MEGF10: variants seen among roughly 807,000 people sequenced by gnomAD.
MEGF10 encodes multiple EGF like domains 10.
MEGF10 carries 86 observed loss-of-function variants against 147.5 expected under a neutral mutation model. That is an observed-to-expected ratio of 0.58 (90% CI 0.49 to 0.70). The LOEUF is 0.70. Among genes scored for constraint, MEGF10 ranks in the 30% least tolerant of loss-of-function variants. The pLI, the probability that MEGF10 is intolerant of heterozygous loss-of-function variation, is 0.00. For synonymous variants in MEGF10, 478 were observed against 525.5 expected, an observed-to-expected ratio of 0.91 and a Z score of 1.24; for missense variants, 1,329 against 1,487.3, an observed-to-expected ratio of 0.89 and a Z score of 1.75.
intron 1 of MEGF10, among the ~76,000 whole-genome samples, chr5:127,298,990 A>G (rs1407398696): frequency 1.3e-5 from 2 of 152,234 alleles, no homozygotes; most frequent in African/African-American, 4.8e-5. Flanking sequence ...GAAGGAAAAA[A>G]GTAATTCCAA....
chr5:127,288,968 G>A (rs374334496), upstream of MEGF10, among the ~76,000 whole-genome samples: 13 of 152,294 alleles, frequency 8.5e-5, 1 homozygote, highest in Admixed American at 4.6e-4. Flanking sequence ...AAGGAAGTCA[G>A]ACACAAAGGA....
chr5:127,325,547 G>A (rs1050241963), intron 1 of MEGF10, among the ~76,000 whole-genome samples: 9 of 152,034 alleles, frequency 5.9e-5, no homozygotes, highest in Admixed American at 6.6e-5. Context: ...GTAGGGCCAC[G>A]TCTCTGTTCC....
At chr5:127,366,967 T>G (rs1762679769) in intron 4 of MEGF10, among the ~76,000 whole-genome samples, 1 of 152,204 alleles carries the variant, frequency 6.6e-6, no homozygotes, top group Admixed American at 6.5e-5. Flanking sequence ...GAACATATGC[T>G]TAACTTGTCA....
At chr5:127,297,882 G>A (rs1373890321) in intron 1 of MEGF10, among the ~76,000 whole-genome samples, 1 of 152,156 alleles carries the variant, frequency 6.6e-6, no homozygotes. Context: ...TGAGAAAACT[G>A]TTCTTCCTTT....
intron 5 of MEGF10, among the ~76,000 whole-genome samples, chr5:127,373,092 A>G (rs990544040): frequency 5.9e-5 from 9 of 152,222 alleles, no homozygotes; most frequent in African/African-American, 2.2e-4. Flanking sequence ...TTTGGGTTAT[A>G]AAACAGTATT....
the MEGF10 span, among the ~76,000 whole-genome samples, chr5:127,247,673 G>A: frequency 1.3e-5 from 2 of 152,176 alleles, no homozygotes; most frequent in East Asian, 3.9e-4. Flanking sequence ...TAGGATTAGA[G>A]TCTTAGAGAG....
At chr5:127,320,183 G>A (rs77570362) in intron 1 of MEGF10, among the ~76,000 whole-genome samples, 2,756 of 152,272 alleles carry the variant, frequency 0.018, 75 homozygotes, top group East Asian at 0.11. Flanking sequence ...ATAAAACAGA[G>A]AGGGAGCCAG....
chr5:127,258,355 G>A, the MEGF10 span, among the ~76,000 whole-genome samples: 45 of 152,252 alleles, frequency 3.0e-4, no homozygotes, highest in Admixed American at 6.5e-4. Flanking sequence ...GTGGATTCAA[G>A]CACTGTACCT....
intron 4 of MEGF10, among the ~76,000 whole-genome samples, chr5:127,368,120 C>T (rs17684655): frequency 0.016 from 2,438 of 152,290 alleles, 45 homozygotes; most frequent in South Asian, 0.076. Context: ...TGGAAGCAGA[C>T]ACTGAACCCT....
chr5:127,403,392 C>T (rs1017720266), intron 8 of MEGF10, among the ~76,000 whole-genome samples: 1 of 152,076 alleles, frequency 6.6e-6, no homozygotes, highest in Non-Finnish European at 1.5e-5. Flanking sequence ...GCACATTATG[C>T]GGAATGGGGT....
At chr5:127,377,659 G>A (rs138673261) in intron 5 of MEGF10, among the ~76,000 whole-genome samples, 9 of 152,156 alleles carry the variant, frequency 5.9e-5, no homozygotes, top group African/African-American at 1.9e-4. Flanking sequence ...TTCGAATGGG[G>A]GGAATCCATT....
chr5:127,257,292 T>C, the MEGF10 span, among the ~76,000 whole-genome samples: 27 of 145,592 alleles, frequency 1.9e-4, no homozygotes, highest in African/African-American at 7.0e-4. Flanking sequence ...TTAAGACAAT[T>C]GCATTTCTTT....
chr5:127,269,200 C>A, the MEGF10 span, among the ~76,000 whole-genome samples: 1 of 152,232 alleles, frequency 6.6e-6, no homozygotes, highest in South Asian at 2.1e-4. Flanking sequence ...TCCAAAGGAA[C>A]GCAGCTCCTC....
Position 127,417,675 on chromosome 5 carries a change from G to A in MEGF10, c.1168G>A (p.Gly390Ser). The change falls in exon 10 of 25, where the codon GGC (glycine) becomes AGC (serine). Residue 390 changes from glycine to serine, a missense_variant. Gly to Ser is a moderately conservative substitution (Grantham distance 56). This residue lies in a region of MEGF10 where 980 missense variants were observed against 1,085.9 expected (regional missense o/e 0.90). Coordinates refer to ENST00000503335, the MANE Select transcript of MEGF10 (RefSeq NM_001256545.2). ...PMSGECACKP[G>S]WSGLYCNETC... The stretch of plus-strand genomic sequence containing the variant: ...GTCTGGAGAGTGTGCCTGCAAGCCG[G>A]GCTGGTCAGGACTCTACTGTAATGA... 6.2e-7 allele frequency: 1 copy of A among 1,614,120 alleles called. No homozygotes were observed. Among genetic ancestry groups the A allele is most frequent in the Non-Finnish European group, 8.5e-7 (1 of 1,180,032 alleles).
rs1189933388 is a variant in MEGF10, at chr5:127,325,887, GTATATA to G, written c.-18-5386_-18-5381del. On this transcript the variant is annotated intron_variant, in intron 1 of 24. Coordinates refer to ENST00000503335, the MANE Select transcript of MEGF10 (RefSeq NM_001256545.2). ...TATATATACATATATGTGTGTGTGT[GTATATA>G]TATATATATATATATATTTTTTTTT... 3.0e-4 allele frequency among the ~76,000 whole-genome samples: 15 copies of G among 49,458 alleles called. 1 individual carries two copies. The highest frequency in any genetic ancestry group is 3.4e-4 in the African/African-American group (4 of 11,882). 32.4% of individuals were successfully genotyped at this position (49,458 alleles called of 152,430 possible).
At chr5:127,438,135 G>T (rs1258251076) in intron 16 of MEGF10, among the ~76,000 whole-genome samples, 1 of 152,138 alleles carries the variant, frequency 6.6e-6, no homozygotes, top group African/African-American at 2.4e-5. Context: ...ACAGTGTTGG[G>T]TACATAATAG....
At chr5:127,340,009 G>A (rs1561580665) in intron 3 of MEGF10, among the ~76,000 whole-genome samples, 1 of 152,168 alleles carries the variant, frequency 6.6e-6, no homozygotes, top group Non-Finnish European at 1.5e-5. Flanking sequence ...CAAGTAAAAT[G>A]TAAGTTCCTT....
rs1270693777 is a variant in MEGF10 at position 127,339,108 on chromosome 5, A to C, written c.117-12A>C. 1.3e-6 allele frequency: 2 copies of C among 1,539,082 alleles called. No individual in the cohort carries two copies. Among genetic ancestry groups the C allele is most frequent in the Middle Eastern group, 1.7e-4 (1 of 5,860 alleles). The stretch of plus-strand genomic sequence containing the variant: ...AGAAATACTGATTTCTTATTTTTCC[A>C]TTTCTTTTCAGCTACTCAGTGACTG... On this transcript the variant is annotated splice_polypyrimidine_tract_variant and intron_variant, in intron 2 of 24. Transcript: ENST00000503335.
rs76504560 is a variant in MEGF10 at position 127,396,022 on chromosome 5, T to G, written c.413-510T>G. 5.5e-3 allele frequency among the ~76,000 whole-genome samples: 830 copies of G among 152,268 alleles called. 7 individuals are homozygous for G. Among genetic ancestry groups the G allele is most frequent in the African/African-American group, 0.019 (800 of 41,550 alleles). On this transcript the variant is annotated intron_variant, in intron 5 of 24. Transcript: ENST00000503335. ...ATTTTTCCTGCTCCATCTCTCTGCC[T>G]CTCATCGTCAGCTCCTTCCACACAC... is the stretch of plus-strand genomic sequence containing the variant.
Sources: gnomAD v4.1 joint callset for allele counts (sites outside exome capture counted in the v4.1 genomes callset) on GRCh38, gnomAD v4.1.1 for gene constraint, gnomAD v4.1.1 regional missense constraint, MANE v1.5 for transcripts, NCBI Gene and HGNC (gene_info 2026-07-23, HGNC 2026-07-21) for gene names.